PCCA: variants seen among roughly 807,000 people sequenced by gnomAD.
PCCA encodes the protein propionyl-CoA carboxylase alpha chain, mitochondrial.
PCCA carries 74 observed loss-of-function variants against 101.3 expected under a neutral mutation model. The ratio of observed to expected loss-of-function variants is 0.73; its 90% CI spans 0.61 to 0.89. PCCA has a LOEUF of 0.89. Among genes scored for constraint, PCCA ranks in the 40% least tolerant of loss-of-function variants. PCCA has a pLI of 0.00. For synonymous variants in PCCA, 294 were observed against 313.6 expected (o/e 0.94, Z 0.66); for missense variants, 891 against 907.0 (o/e 0.98, Z 0.23).
chr13:100,265,788 A>C (rs561256241), intron 10 of PCCA, among the ~76,000 whole-genome samples: 32 of 151,992 alleles, frequency 2.1e-4, no homozygotes, highest in African/African-American at 7.2e-4. Flanking sequence ...AGAATTCTGG[A>C]TATTTTGTGA....
intron 4 of PCCA, among the ~76,000 whole-genome samples, chr13:100,147,132 T>C (rs1256891331): frequency 6.6e-6 from 1 of 152,166 alleles, no homozygotes; most frequent in Non-Finnish European, 1.5e-5. Flanking sequence ...TGCATATCCA[T>C]ATGAAAATGC....
At chr13:100,494,543 C>T (rs962802134) in intron 21 of PCCA, among the ~76,000 whole-genome samples, 5 of 148,990 alleles carry the variant, frequency 3.4e-5, no homozygotes, top group Admixed American at 6.7e-5. Context: ...ATTAGCCAGG[C>T]GTGGTGGTGC....
At chr13:100,315,832 G>A (rs1398372003) in intron 16 of PCCA, among the ~76,000 whole-genome samples, 2 of 152,106 alleles carry the variant, frequency 1.3e-5, no homozygotes, top group African/African-American at 4.8e-5. Flanking sequence ...TAATTTTTAT[G>A]AGTATGTGAT....
intron 21 of PCCA, among the ~76,000 whole-genome samples, chr13:100,460,396 T>TC (rs2082091030): frequency 6.6e-6 from 1 of 152,216 alleles, no homozygotes; most frequent in South Asian, 2.1e-4. Context: ...TGACTTTTTT[T>TC]CCCTTATAAA....
At chr13:100,479,020 G>T (rs567296291) in intron 21 of PCCA, among the ~76,000 whole-genome samples, 1 of 152,244 alleles carries the variant, frequency 6.6e-6, no homozygotes, top group African/African-American at 2.4e-5. Context: ...TTTCTGGGAC[G>T]TTACCTAAAA....
At chr13:100,234,859 G>A (rs988343539) in intron 7 of PCCA, among the ~76,000 whole-genome samples, 1 of 151,566 alleles carries the variant, frequency 6.6e-6, no homozygotes, top group African/African-American at 2.4e-5. Context: ...GTCAGTCTTT[G>A]TGGTAGTTTA....
At chr13:100,362,651 G>T (rs540623260) in intron 18 of PCCA, among the ~76,000 whole-genome samples, 1 of 152,072 alleles carries the variant, frequency 6.6e-6, no homozygotes, top group Non-Finnish European at 1.5e-5. Context: ...AGCCCTTATC[G>T]GTGGAAGAAG....
intron 20 of PCCA, among the ~76,000 whole-genome samples, chr13:100,426,191 T>A (rs890361701): frequency 2.0e-5 from 3 of 152,206 alleles, no homozygotes; most frequent in Non-Finnish European, 4.4e-5. Flanking sequence ...TATTAATCTT[T>A]CTTTTCGCCT....
intron 6 of PCCA, among the ~76,000 whole-genome samples, chr13:100,207,590 C>T (rs536040001): frequency 1.5e-4 from 23 of 152,076 alleles, no homozygotes; most frequent in African/African-American, 5.5e-4. Flanking sequence ...CTGTGTTGGT[C>T]AGGATGGTCT....
rs546802523 is a variant in PCCA, at chr13:100,228,414, G to C, written c.601-7428G>C. ...GATATTATTGAACATTATGTTAACA[G>C]AGTTTATTGTTCTAAGCCCTTTCAT... is the stretch of plus-strand genomic sequence containing the variant. On this transcript the variant is annotated intron_variant, in intron 7 of 23. Coordinates refer to ENST00000376285, the MANE Select transcript of PCCA (RefSeq NM_000282.4). 6.8e-4 allele frequency among the ~76,000 whole-genome samples: 104 copies of C among 152,218 alleles called. 1 individual carries two copies. Among genetic ancestry groups the C allele is most frequent in the African/African-American group, 2.3e-3 (96 of 41,530 alleles).
At chr13:100,242,996 A>G (rs2061238899) in intron 8 of PCCA, among the ~76,000 whole-genome samples, 1 of 152,156 alleles carries the variant, frequency 6.6e-6, no homozygotes, top group Non-Finnish European at 1.5e-5. Flanking sequence ...TCCTGGGTTC[A>G]AGCGATTCAT....
chr13:100,501,799 G>A (rs541742514), intron 21 of PCCA, among the ~76,000 whole-genome samples: 53 of 152,204 alleles, frequency 3.5e-4, no homozygotes, highest in Non-Finnish European at 6.5e-4. Context: ...ACTTGAACCC[G>A]GGTGGCGGAG....
At chr13:100,177,374 A>G (rs1219462442) in intron 6 of PCCA, among the ~76,000 whole-genome samples, 3 of 152,172 alleles carry the variant, frequency 2.0e-5, no homozygotes, top group Non-Finnish European at 4.4e-5. Flanking sequence ...ACCTTTTTCA[A>G]TTACTGACAA....
At chr13:100,505,770 C>T (rs1433616307) in intron 21 of PCCA, among the ~76,000 whole-genome samples, 17 of 152,032 alleles carry the variant, frequency 1.1e-4, no homozygotes, top group South Asian at 2.1e-4. Context: ...GGGAGTCTGA[C>T]GTGGGAGGAT....
intron 4 of PCCA, among the ~76,000 whole-genome samples, chr13:100,126,313 C>G (rs2049948630): frequency 6.6e-6 from 1 of 151,830 alleles, no homozygotes; most frequent in South Asian, 2.1e-4. Context: ...TCATTTAAAC[C>G]TATGTTTGCT....
At chr13:100,435,065 C>CTGTTCTTTTCCATGAAAA (rs2079828537) in intron 20 of PCCA, among the ~76,000 whole-genome samples, 1 of 152,120 alleles carries the variant, frequency 6.6e-6, no homozygotes, top group African/African-American at 2.4e-5. Context: ...AAAAGTAGTG[C>CTGTTCTTTTCCATGAAAA]GTTCATCTGT....
At chr13:100,294,091 G>T (rs1001074498) in intron 12 of PCCA, among the ~76,000 whole-genome samples, 2 of 152,164 alleles carry the variant, frequency 1.3e-5, no homozygotes, top group Admixed American at 1.3e-4. Flanking sequence ...AACAGGGTCA[G>T]TTTCTTTTGG....
chr13:100,198,329 C>G (rs2058247510), intron 6 of PCCA: 1 of 152,166 alleles, frequency 6.6e-6, no homozygotes, highest in South Asian at 2.1e-4. Flanking sequence ...CTTTGCAACC[C>G]AGGAGTGAGA....
chr13:100,359,109 A>AAAG (rs1408749310), intron 18 of PCCA, among the ~76,000 whole-genome samples: 1 of 148,558 alleles, frequency 6.7e-6, no homozygotes, highest in Non-Finnish European at 1.5e-5. Flanking sequence ...AAAAAAAAAA[A>AAAG]AAGAAAAAGA....
Sources: gnomAD v4.1 joint callset for allele counts (sites outside exome capture counted in the v4.1 genomes callset) on GRCh38, gnomAD v4.1.1 for gene constraint, MANE v1.5 for transcripts, NCBI Gene and HGNC (gene_info 2026-07-23, HGNC 2026-07-21) for gene names.